The following ZZZ3 variants were observed in gnomAD, a reference collection of about 807,000 sequenced individuals.
ZZZ3 encodes the protein zinc finger ZZ-type containing 3, also known as ZZ-type zinc finger-containing protein 3.
ZZZ3 carries 22 observed loss-of-function variants against 95.2 expected under a neutral mutation model. The ratio of observed to expected loss-of-function variants is 0.23; its 90% confidence interval spans 0.17 to 0.33. ZZZ3 has a LOEUF of 0.33. ZZZ3 is among the 10% of genes least tolerant of loss of function. The pLI, the probability that ZZZ3 is intolerant of heterozygous loss-of-function variation, is 1.00. For synonymous variants in ZZZ3, 335 were observed against 358.9 expected (o/e 0.93, Z 0.75); for missense variants, 885 against 1,066.5 (o/e 0.83, Z 2.37).
chr1:77,580,926 T>C, intron 9 of ZZZ3, 72 bp downstream of exon 9: 1 of 1,324,352 alleles, frequency 7.6e-7, no homozygotes, highest in East Asian at 2.3e-5. Context: ...GGACCTGGCC[T>C]CATAATACTG....
chr1:77,587,303 C>T (rs143791392), intron 5 of ZZZ3, among the ~76,000 whole-genome samples: 8,280 of 145,344 alleles, frequency 0.057, 489 homozygotes, highest in African/African-American at 0.15. Context: ...CGCTCTGTTG[C>T]CCAGACTGGA....
chr1:77,637,024 T>C (rs1668368217), intron 4 of ZZZ3, among the ~76,000 whole-genome samples: 1 of 152,276 alleles, frequency 6.6e-6, no homozygotes, highest in Non-Finnish European at 1.5e-5. Flanking sequence ...CACGGGCATC[T>C]CCTGGAAGCT....
At chr1:77,651,859 T>C (rs1417569354) in intron 1 of ZZZ3, among the ~76,000 whole-genome samples, 2 of 151,654 alleles carry the variant, frequency 1.3e-5, no homozygotes, top group African/African-American at 2.4e-5. Flanking sequence ...CTACTAAAAA[T>C]AGAAAAAATT....
chr1:77,659,891 G>A (rs1474391141), intron 1 of ZZZ3, among the ~76,000 whole-genome samples: 1 of 152,056 alleles, frequency 6.6e-6, no homozygotes, highest in Non-Finnish European at 1.5e-5. Context: ...AGAGGGCAGT[G>A]GCAGGACAAT....
chr1:77,575,020 C>T (rs1056696667), intron 12 of ZZZ3, among the ~76,000 whole-genome samples: 1 of 152,086 alleles, frequency 6.6e-6, no homozygotes, highest in African/African-American at 2.4e-5. Context: ...CCCGCCTCTA[C>T]TGAAAATACA....
At chr1:77,567,596 G>A (rs1165352849) in intron 13 of ZZZ3, among the ~76,000 whole-genome samples, 1 of 152,146 alleles carries the variant, frequency 6.6e-6, no homozygotes, top group Non-Finnish European at 1.5e-5. Flanking sequence ...CTACTCTCTA[G>A]TATGTACTCT....
chr1:77,594,546 T>C (rs1223333521), intron 5 of ZZZ3, among the ~76,000 whole-genome samples: 3 of 152,084 alleles, frequency 2.0e-5, no homozygotes, highest in Non-Finnish European at 4.4e-5. Context: ...TGAGTAGTTA[T>C]ACAGATGGAT....
intron 5 of ZZZ3, among the ~76,000 whole-genome samples, chr1:77,602,051 A>G (rs1664783799): frequency 6.6e-6 from 1 of 152,206 alleles, no homozygotes; most frequent in Non-Finnish European, 1.5e-5. Flanking sequence ...AAACATAAAT[A>G]AAAAGCTACG....
intron 5 of ZZZ3, among the ~76,000 whole-genome samples, chr1:77,629,912 G>A (rs893718853): frequency 2.6e-5 from 4 of 152,160 alleles, no homozygotes; most frequent in African/African-American, 9.7e-5. Context: ...GAATATCAAT[G>A]TTATGACTGT....
intron 1 of ZZZ3, among the ~76,000 whole-genome samples, chr1:77,659,530 T>A (rs909716649): frequency 2.0e-5 from 3 of 150,994 alleles, no homozygotes; most frequent in African/African-American, 7.3e-5. Context: ...CTATTAAAAA[T>A]ACAAAAATTA....
intron 12 of ZZZ3, 52 bp downstream of exon 12, chr1:77,576,016 C>A: frequency 3.0e-6 from 4 of 1,353,082 alleles, no homozygotes; most frequent in South Asian, 1.9e-5. Flanking sequence ...TTAGAAAATC[C>A]TACTCTCTTC....
intron 1 of ZZZ3, among the ~76,000 whole-genome samples, chr1:77,661,056 A>T (rs1050882122): frequency 1.6e-5 from 2 of 121,546 alleles, no homozygotes; most frequent in African/African-American, 8.0e-5. Context: ...GCTTTAACGC[A>T]AAAAAAAAAA....
intron 6 of ZZZ3, 113 bp downstream of exon 6, chr1:77,584,404 G>GA: frequency 9.1e-7 from 1 of 1,100,322 alleles, no homozygotes; most frequent in Non-Finnish European, 1.2e-6. Context: ...AATTATAGAC[G>GA]AAAAAAATTA....
In ZZZ3 at chr1:77,582,073, T is replaced by C; in HGVS notation, c.1698A>G (p.Val566=). ...CAAGGCTATGGGTATATTGGTCCCA[T>C]ACGATCTCAGGCAATTGAACAACTC... The part of the protein sequence containing the change: ...PQRVVQLPEI[V]WDQYTHSLGN... The change falls in exon 7 of 15, where the codon GTA becomes GTG. Residue 566 remains valine, a synonymous_variant. Transcript: ENST00000370801. The C allele has an allele frequency of 6.2e-7, 1 of 1,613,682 alleles. No homozygotes were observed. The highest frequency in any genetic ancestry group is 2.2e-5 in the East Asian group (1 of 44,862).
At chr1:77,651,041 A>G (rs1006803008) in intron 1 of ZZZ3, among the ~76,000 whole-genome samples, 1 of 152,176 alleles carries the variant, frequency 6.6e-6, no homozygotes, top group African/African-American at 2.4e-5. Context: ...CACACCATAT[A>G]CAAAAATTAA....
intron 12 of ZZZ3, among the ~76,000 whole-genome samples, chr1:77,573,415 C>A (rs1661613229): frequency 6.6e-6 from 1 of 152,142 alleles, no homozygotes; most frequent in Admixed American, 6.5e-5. Flanking sequence ...AGCCACAGTG[C>A]CCGGTCTGAA....
chr1:77,627,248 G>T (rs1667416694), intron 5 of ZZZ3, among the ~76,000 whole-genome samples: 1 of 152,020 alleles, frequency 6.6e-6, no homozygotes, highest in South Asian at 2.1e-4. Context: ...TAGGAAATGG[G>T]GACTGTATAA....
At chr1:77,580,778 C>T (rs1182154059) in intron 9 of ZZZ3, 2 of 424,982 alleles carry the variant, frequency 4.7e-6, no homozygotes, top group Non-Finnish European at 8.7e-6. Context: ...TATATATGCA[C>T]ACGCCATCAC....
At chr1:77,607,117 G>A (rs1665310459) in intron 5 of ZZZ3, among the ~76,000 whole-genome samples, 1 of 152,172 alleles carries the variant, frequency 6.6e-6, no homozygotes, top group African/African-American at 2.4e-5. Context: ...GGGTAATTTG[G>A]ACAGGAAAGC....
Sources: gnomAD v4.1 joint callset for allele counts (sites outside exome capture counted in the v4.1 genomes callset) on GRCh38, gnomAD v4.1.1 for gene constraint, MANE v1.5 for transcripts, NCBI Gene and HGNC (gene_info 2026-07-23, HGNC 2026-07-21) for gene names.